Variants in HTR1F observed in about 807,000 individuals in gnomAD.
The protein encoded by HTR1F is 5-hydroxytryptamine (serotonin) receptor 1F, G protein-coupled.
Under a neutral mutation model 24.0 loss-of-function variants are expected in HTR1F, and 17 were observed. The observed-to-expected ratio is 0.71, with a 90% CI of 0.48 to 1.06. The LOEUF (loss-of-function observed/expected upper bound fraction) is 1.06. Among genes scored for constraint, HTR1F ranks in the 50% least tolerant of loss-of-function variants. HTR1F has a pLI of 0.00. For missense variants in HTR1F, 391 were observed against 427.8 expected (o/e 0.91, Z 0.76); for synonymous variants, 186 against 156.8 (o/e 1.19, Z -1.39).
At chr3:87,855,669 T>A (rs1030274139) in intron 2 of HTR1F, among the ~76,000 whole-genome samples, 1 of 152,076 alleles carries the variant, frequency 6.6e-6, no homozygotes, top group Non-Finnish European at 1.5e-5. Flanking sequence ...GAATTACCCA[T>A]AACCTAACAT....
intron 2 of HTR1F, among the ~76,000 whole-genome samples, chr3:87,925,239 G>C (rs1386985372): frequency 6.6e-6 from 1 of 152,068 alleles, no homozygotes; most frequent in South Asian, 2.1e-4. Context: ...CAAGGGATTG[G>C]GGCGACCAAT....
At chr3:87,821,130 AT>A (rs1486230457) in intron 1 of HTR1F, among the ~76,000 whole-genome samples, 1 of 152,152 alleles carries the variant, frequency 6.6e-6, no homozygotes, top group African/African-American at 2.4e-5. Context: ...AATGATGTTT[AT>A]TTTTGGTGCA....
At chr3:87,923,004 C>T (rs1704044483) in intron 2 of HTR1F, among the ~76,000 whole-genome samples, 1 of 151,500 alleles carries the variant, frequency 6.6e-6, no homozygotes, top group Non-Finnish European at 1.5e-5. Flanking sequence ...CCCGTTTTTC[C>T]AGCAACATTT....
intron 2 of HTR1F, among the ~76,000 whole-genome samples, chr3:87,892,216 T>C (rs1706100385): frequency 6.6e-6 from 1 of 152,202 alleles, no homozygotes; most frequent in South Asian, 2.1e-4. Flanking sequence ...ATCAGGGAAA[T>C]ATTGTTATGA....
intron 2 of HTR1F, among the ~76,000 whole-genome samples, chr3:87,866,063 C>A (rs533742195): frequency 6.6e-6 from 1 of 152,238 alleles, no homozygotes; most frequent in East Asian, 1.9e-4. Context: ...GTCCTAGCCT[C>A]CTTAACCCAG....
intron 2 of HTR1F, among the ~76,000 whole-genome samples, chr3:87,905,370 A>G (rs1703638986): frequency 6.6e-6 from 1 of 151,284 alleles, no homozygotes; most frequent in African/African-American, 2.4e-5. Flanking sequence ...AATTGGTGCC[A>G]TTTACATTAA....
intron 2 of HTR1F, among the ~76,000 whole-genome samples, chr3:87,829,850 T>A (rs1704539889): frequency 6.6e-6 from 1 of 152,208 alleles, no homozygotes; most frequent in Non-Finnish European, 1.5e-5. Context: ...AATTTGTAAG[T>A]ACATCATAGA....
chr3:87,967,139 C>T (rs1705182385), intron 2 of HTR1F, among the ~76,000 whole-genome samples: 1 of 151,906 alleles, frequency 6.6e-6, no homozygotes, highest in Non-Finnish European at 1.5e-5. Flanking sequence ...GCTTATAGTA[C>T]CTCTTCTGAA....
chr3:87,931,643 G>A (rs906858171), intron 2 of HTR1F, among the ~76,000 whole-genome samples: 23 of 152,042 alleles, frequency 1.5e-4, no homozygotes, highest in African/African-American at 5.1e-4. Context: ...CACAATGGTT[G>A]AACTAGTTTA....
intron 2 of HTR1F, among the ~76,000 whole-genome samples, chr3:87,860,260 G>A (rs1705288872): frequency 6.6e-6 from 1 of 152,138 alleles, no homozygotes; most frequent in African/African-American, 2.4e-5. Context: ...TTCTAGATCG[G>A]AAGCAATAAA....
chr3:87,904,227 G>A (rs2217496), intron 2 of HTR1F, among the ~76,000 whole-genome samples: 13,548 of 152,114 alleles, frequency 0.089, 1,891 homozygotes, highest in African/African-American at 0.3. Flanking sequence ...AGTTCCAAGT[G>A]TTTGTGACAA....
At chr3:87,919,073 G>A (rs564065421) in intron 2 of HTR1F, among the ~76,000 whole-genome samples, 4 of 151,806 alleles carry the variant, frequency 2.6e-5, no homozygotes, top group African/African-American at 9.6e-5. Flanking sequence ...AAACTCAAAT[G>A]CTTACAGCCA....
chr3:87,860,018 T>G (rs568092429), intron 2 of HTR1F, among the ~76,000 whole-genome samples: 1 of 152,202 alleles, frequency 6.6e-6, no homozygotes, highest in Non-Finnish European at 1.5e-5. Context: ...GAGCATTTAA[T>G]TTTCACTACA....
chr3:87,818,076 G>A (rs1315527072), intron 1 of HTR1F, among the ~76,000 whole-genome samples: 1 of 152,050 alleles, frequency 6.6e-6, no homozygotes, highest in Non-Finnish European at 1.5e-5. Flanking sequence ...TTAACTTTGG[G>A]GATTCTGCAC....
intron 2 of HTR1F, among the ~76,000 whole-genome samples, chr3:87,930,875 T>C (rs1233768218): frequency 2.0e-5 from 3 of 152,182 alleles, no homozygotes; most frequent in African/African-American, 4.8e-5. Flanking sequence ...ACACATATTG[T>C]TGATGTTTTA....
intron 1 of HTR1F, among the ~76,000 whole-genome samples, 163 bp downstream of exon 1, chr3:87,793,005 T>C (rs1223451762): frequency 6.6e-6 from 1 of 152,230 alleles, no homozygotes; most frequent in African/African-American, 2.4e-5. Context: ...CCACACTACT[T>C]TGATCTAACA....
At chr3:87,903,678 G>A (rs1441323001) in intron 2 of HTR1F, among the ~76,000 whole-genome samples, 2 of 151,952 alleles carry the variant, frequency 1.3e-5, no homozygotes, top group African/African-American at 4.8e-5. Context: ...CTGTTGGTGG[G>A]ACTGTAAACT....
intron 2 of HTR1F, among the ~76,000 whole-genome samples, chr3:87,918,173 C>T (rs1813983): frequency 0.09 from 13,698 of 151,994 alleles, 662 homozygotes; most frequent in African/African-American, 0.12. Flanking sequence ...TCCAGCATCC[C>T]TTTATGATTA....
chr3:87,852,139 T>A (rs1033846242), intron 2 of HTR1F, among the ~76,000 whole-genome samples: 1 of 151,652 alleles, frequency 6.6e-6, no homozygotes, highest in African/African-American at 2.4e-5. Flanking sequence ...TATATTTTTA[T>A]GTTTATTGGC....
Sources: gnomAD v4.1 joint callset for allele counts (sites outside exome capture counted in the v4.1 genomes callset) on GRCh38, gnomAD v4.1.1 for gene constraint, MANE v1.5 for transcripts, NCBI Gene and HGNC (gene_info 2026-07-23, HGNC 2026-07-21) for gene names.